The following SLC9C2 variants were observed in gnomAD, a reference collection of about 807,000 sequenced individuals.
The protein encoded by SLC9C2 is sodium/hydrogen exchanger 11.
In SLC9C2, 75 loss-of-function variants were observed where a neutral mutation model predicts 140.2. That is an observed-to-expected ratio of 0.53 (90% CI 0.44 to 0.65). The LOEUF (loss-of-function observed/expected upper bound fraction) is 0.65. Among genes scored for constraint, SLC9C2 ranks in the 30% least tolerant of loss-of-function variants. The pLI is 0.00. For missense variants in SLC9C2, 1,074 were observed against 1,331.8 expected, an observed-to-expected ratio of 0.81 and a Z score of 3.01; for synonymous variants, 375 against 420.9, an observed-to-expected ratio of 0.89 and a Z score of 1.34.
intron 9 of SLC9C2, among the ~76,000 whole-genome samples, chr1:173,569,445 T>G (rs1017394139): frequency 6.6e-6 from 1 of 152,110 alleles, no homozygotes; most frequent in African/African-American, 2.4e-5. Flanking sequence ...GGGTTAAATC[T>G]GCTCAGCGTT....
chr1:173,501,701 G>T (rs1048721700), intron 27 of SLC9C2, among the ~76,000 whole-genome samples: 1 of 151,626 alleles, frequency 6.6e-6, no homozygotes, highest in African/African-American at 2.4e-5. Flanking sequence ...GAGCCACCAC[G>T]CCAGACCAAT....
chr1:173,565,431 T>C (rs557003288), intron 9 of SLC9C2, among the ~76,000 whole-genome samples: 2 of 152,326 alleles, frequency 1.3e-5, no homozygotes, highest in African/African-American at 2.4e-5. Flanking sequence ...CTTATGGATA[T>C]CCAGTTTTCC....
chr1:173,501,509 T>TC (rs1659267992), intron 27 of SLC9C2, among the ~76,000 whole-genome samples: 1 of 138,472 alleles, frequency 7.2e-6, no homozygotes, highest in African/African-American at 2.9e-5. Context: ...TTGACTCTTT[T>TC]TTTTTTTTTT....
At chr1:173,547,344 A>C (rs944391953) in intron 13 of SLC9C2, among the ~76,000 whole-genome samples, 1 of 151,496 alleles carries the variant, frequency 6.6e-6, no homozygotes. Flanking sequence ...AATTTCGTAT[A>C]AATGGAACTC....
intron 24 of SLC9C2, among the ~76,000 whole-genome samples, chr1:173,508,382 C>T (rs1033812319): frequency 1.3e-5 from 2 of 151,684 alleles, no homozygotes; most frequent in African/African-American, 4.8e-5. Flanking sequence ...ATATGTGTTG[C>T]TTGTGAATTT....
At chr1:173,510,302 C>A (rs1005867270) in intron 23 of SLC9C2, among the ~76,000 whole-genome samples, 2 of 152,106 alleles carry the variant, frequency 1.3e-5, no homozygotes, top group African/African-American at 2.4e-5. Flanking sequence ...AATTCTTTGG[C>A]TCATTTCTTT....
chr1:173,547,800 T>A lies in SLC9C2; in HGVS notation c.1462-16A>T, dbSNP rs1294984743. ...CGTGGGAAAACTGAACCGTATCAGA[T>A]GACATTTTAAAACATAAAGGGATAA... On this transcript the variant is annotated splice_polypyrimidine_tract_variant and intron_variant, in intron 12 of 27. Transcript: ENST00000367714. 1.3e-6 allele frequency: 2 copies of A among 1,583,354 alleles called. No individual in the cohort carries two copies. Among genetic ancestry groups the A allele is most frequent in the South Asian group, 1.1e-5 (1 of 89,218 alleles).
intron 6 of SLC9C2, among the ~76,000 whole-genome samples, chr1:173,582,665 A>T (rs1665616018): frequency 6.6e-6 from 1 of 152,178 alleles, no homozygotes; most frequent in Admixed American, 6.5e-5. Context: ...TCAGAAAAAC[A>T]CATTTTCTCC....
intron 14 of SLC9C2, 119 bp from the exon 15 acceptor site, chr1:173,536,068 A>C: frequency 1.2e-6 from 1 of 848,998 alleles, no homozygotes; most frequent in Non-Finnish European, 1.7e-6. Context: ...AAATAAGCTC[A>C]GTCTCATGCC....
At chr1:173,565,439 T>C (rs1247375776) in intron 9 of SLC9C2, among the ~76,000 whole-genome samples, 1 of 152,180 alleles carries the variant, frequency 6.6e-6, no homozygotes, top group Non-Finnish European at 1.5e-5. Context: ...TATCCAGTTT[T>C]CCCAGCACCA....
chr1:173,573,171 A>G lies in SLC9C2; in HGVS notation c.1046+11T>C. The G allele has an allele frequency of 2.0e-6, 3 of 1,507,074 alleles. No individual in the cohort carries two copies. Among genetic ancestry groups the G allele is most frequent in the African/African-American group, 1.4e-5 (1 of 71,102 alleles). The allele number at this position is 1,507,074 out of a possible 1,614,324, so 93.4% of individuals were successfully genotyped here. On this transcript the variant is annotated intron_variant, in intron 9 of 27. Transcript: ENST00000367714. ...CAGTTTAGTAAACAAACTTTAAAAT[A>G]TTATTCTTACCTTACCAAATTCACT...
At position 173,503,227 on chromosome 1, in the gene SLC9C2, A is replaced by T. The variant is rs12060658; in HGVS notation, c.3371+39T>A. The T allele has an allele frequency of 7.0e-6, 11 of 1,562,022 alleles. No individual in the cohort carries two copies. The African/African-American group carries it at 1.4e-4, about 19-fold the overall frequency. On this transcript the variant is annotated intron_variant, in intron 27 of 27. Transcript: ENST00000367714. ...TTTAGCTGTATAGTTCAATATTTGC[A>T]ATAAGAAAAAATTCTAATCAAAGTG...
intron 1 of SLC9C2, 62 bp from the exon 2 acceptor site, chr1:173,601,917 A>G: frequency 1.9e-6 from 2 of 1,035,746 alleles, no homozygotes; most frequent in Non-Finnish European, 2.8e-6. Flanking sequence ...TACCATTTCT[A>G]CCTAAGATTG....
chr1:173,579,350 A>G (rs1489135420), intron 7 of SLC9C2, among the ~76,000 whole-genome samples: 1 of 152,180 alleles, frequency 6.6e-6, no homozygotes, highest in Admixed American at 6.5e-5. Context: ...CCATCCTTGA[A>G]ATCAGCCACA....
rs1184516746 is a variant in SLC9C2 at position 173,501,043 on chromosome 1, A to G, written c.*51T>C. 6.8e-7 allele frequency: 1 copy of G among 1,474,806 alleles called. No individual in the cohort carries two copies. The highest frequency in any genetic ancestry group is 1.4e-5 in the African/African-American group (1 of 69,210). 91.4% of individuals were successfully genotyped at this position (1,474,806 alleles called of 1,614,324 possible). ...GTAGTTTGGTCTTTAACCTGACTCC[A>G]CACATCATATTTGTATCATTAATAC... On this transcript the variant is annotated 3_prime_UTR_variant, in exon 28 of 28. Transcript: ENST00000367714.
chr1:173,547,411 G>A (rs1206613360), intron 13 of SLC9C2, among the ~76,000 whole-genome samples: 3 of 150,148 alleles, frequency 2.0e-5, no homozygotes, highest in African/African-American at 7.4e-5. Context: ...TAATTATCTA[G>A]TATGTAAATA....
At chr1:173,530,153 C>G (rs1010870948) in intron 17 of SLC9C2, 99 bp from the exon 18 acceptor site, 2 of 1,048,050 alleles carry the variant, frequency 1.9e-6, no homozygotes, top group Non-Finnish European at 2.7e-6. Context: ...AGACCAGCAA[C>G]AGCAGAGCCC....
At chr1:173,533,332 T>C (rs1489489549) in intron 17 of SLC9C2, among the ~76,000 whole-genome samples, 2 of 152,082 alleles carry the variant, frequency 1.3e-5, no homozygotes, top group Non-Finnish European at 2.9e-5. Flanking sequence ...CTGACTGGAG[T>C]GCAATGGCAC....
intron 1 of SLC9C2, 54 bp from the exon 2 acceptor site, chr1:173,601,909 C>A (rs1379179538): frequency 1.2e-5 from 13 of 1,080,184 alleles, no homozygotes; most frequent in Non-Finnish European, 1.6e-5. Context: ...TTCATCCATA[C>A]CATTTCTACC....
Sources: gnomAD v4.1 joint callset for allele counts (sites outside exome capture counted in the v4.1 genomes callset) on GRCh38, gnomAD v4.1.1 for gene constraint, MANE v1.5 for transcripts, NCBI Gene and HGNC (gene_info 2026-07-23, HGNC 2026-07-21) for gene names.